MBOAT1: variants seen among roughly 807,000 people sequenced by gnomAD.
The protein encoded by MBOAT1 is membrane bound glycerophospholipid O-acyltransferase 1.
In MBOAT1, 67 loss-of-function variants were observed where a neutral mutation model predicts 64.4. The ratio of observed to expected loss-of-function variants is 1.04; its 90% CI spans 0.85 to 1.27. The LOEUF is 1.27. MBOAT1 is among the 50% of genes most tolerant of loss of function. The pLI is 0.00. For synonymous variants in MBOAT1, 229 were observed against 218.9 expected (o/e 1.05, Z -0.41); for missense variants, 563 against 604.6 (o/e 0.93, Z 0.72).
chr6:20,101,309 T>C lies in MBOAT1; in HGVS notation c.*977A>G, dbSNP rs531931674. On this transcript the variant is annotated 3_prime_UTR_variant, in exon 13 of 13. Transcript: ENST00000324607. ...TCAGCTCCATGTACAGGAGACTTTC[T>C]GATTTCCAATCTTGGCTCAGGTCAG... Among the ~76,000 whole-genome samples, 1 of 152,324 alleles carries C rather than the reference T, an allele frequency of 6.6e-6. No individual in the cohort carries two copies. The highest frequency in any genetic ancestry group is 2.1e-4 in the South Asian group (1 of 4,828).
At chr6:20,120,407 A>G (rs961876704) in intron 8 of MBOAT1, among the ~76,000 whole-genome samples, 11 of 152,160 alleles carry the variant, frequency 7.2e-5, no homozygotes, top group Non-Finnish European at 1.3e-4. Context: ...TTAGGTAACC[A>G]TTAAGATCAT....
In MBOAT1 at chr6:20,126,513, TTAC is replaced by T. The variant is rs1414160092; in HGVS notation, c.714+1_714+3del. The T allele has an allele frequency of 8.1e-6, 13 of 1,604,446 alleles. No individual in the cohort carries two copies. Among genetic ancestry groups the T allele is most frequent in the Non-Finnish European group, 1.1e-5 (13 of 1,177,720 alleles). On this transcript the variant is annotated splice_donor_variant and splice_donor_region_variant and intron_variant, in intron 7 of 12. Coordinates refer to ENST00000324607, the MANE Select transcript of MBOAT1 (RefSeq NM_001080480.3). LOFTEE classifies it high-confidence loss of function. ...ACCCTATTCTCTAGACACTAAAAACTTACTGTGGGAGAAGGTTCTGGCAAGCTG... is the reference window on the plus strand; with the variant it reads ...ACCCTATTCTCTAGACACTAAAAACTTGTGGGAGAAGGTTCTGGCAAGCTG...
At chr6:20,193,641 T>C (rs1310229812) in intron 1 of MBOAT1, among the ~76,000 whole-genome samples, 1 of 145,352 alleles carries the variant, frequency 6.9e-6, no homozygotes, top group Non-Finnish European at 1.5e-5. Context: ...GGAGTCTCGC[T>C]CTGTCACCAG....
intron 1 of MBOAT1, among the ~76,000 whole-genome samples, chr6:20,195,160 C>T (rs1447290895): frequency 1.3e-5 from 2 of 152,052 alleles, no homozygotes; most frequent in African/African-American, 4.8e-5. Flanking sequence ...GCCATGATGC[C>T]CAGGCTAGTC....
At chr6:20,121,873 T>C (rs1442645342) in intron 8 of MBOAT1, among the ~76,000 whole-genome samples, 1 of 152,104 alleles carries the variant, frequency 6.6e-6, no homozygotes, top group African/African-American at 2.4e-5. Context: ...ATTAAAACTA[T>C]TAATTATTTG....
intron 1 of MBOAT1, among the ~76,000 whole-genome samples, chr6:20,167,279 T>C (rs1235320216): frequency 1.3e-5 from 2 of 152,222 alleles, no homozygotes; most frequent in Non-Finnish European, 2.9e-5. Flanking sequence ...TAAGATAAAT[T>C]CCTAGCTTGA....
rs146497693 is a variant in MBOAT1, at chr6:20,171,256, G to A, written c.100-18487C>T. On this transcript the variant is annotated intron_variant, in intron 1 of 12. Transcript: ENST00000324607. ...CATTTTAATAATCAAAGTTATTTAG[G>A]CTGGGTGCAGCGGCTCATGCCTGTA... 3.9e-5 allele frequency among the ~76,000 whole-genome samples: 6 copies of A among 152,174 alleles called. No individual in the cohort carries two copies. The East Asian group carries it at 9.7e-4, about 25-fold the overall frequency.
rs181513904 is a variant in MBOAT1, at chr6:20,181,739, G to A, written c.100-28970C>T. 9.3e-4 allele frequency among the ~76,000 whole-genome samples: 142 copies of A among 152,352 alleles called. 1 individual carries two copies. The highest frequency in any genetic ancestry group is 9.1e-3 in the Admixed American group (140 of 15,306). ...CAAAGGGGAGGGTGCACGCCTGCAT[G>A]GAGACCAGATGATGAGGGAGGGATC... On this transcript the variant is annotated intron_variant, in intron 1 of 12. Transcript: ENST00000324607.
intron 1 of MBOAT1, among the ~76,000 whole-genome samples, chr6:20,171,130 A>G (rs1302666203): frequency 6.6e-6 from 1 of 152,196 alleles, no homozygotes; most frequent in Admixed American, 6.5e-5. Flanking sequence ...CCTCTACCAG[A>G]CATTGAGAAA....
In MBOAT1 at chr6:20,102,429, A is replaced by G. The variant is rs945296007; in HGVS notation, c.1362-17T>C. ...TACATGGACCTGGGAATAAAAATAT[A>G]CAAAAATTATATTTCAAATAAGGAT... On this transcript the variant is annotated splice_polypyrimidine_tract_variant and intron_variant, in intron 12 of 12. Transcript: ENST00000324607. The G allele has an allele frequency of 6.3e-7, 1 of 1,580,630 alleles. No homozygotes were observed. The highest frequency in any genetic ancestry group is 1.7e-4 in the Middle Eastern group (1 of 5,960).
At chr6:20,145,210 CAA>C (rs1184234594) in intron 3 of MBOAT1, among the ~76,000 whole-genome samples, 1 of 118,118 alleles carries the variant, frequency 8.5e-6, no homozygotes, top group Non-Finnish European at 1.8e-5. Context: ...AGCCCTCTTA[CAA>C]AAGAGACCCC....
At chr6:20,136,644 G>A (rs117792608) in intron 4 of MBOAT1, among the ~76,000 whole-genome samples, 1 of 152,138 alleles carries the variant, frequency 6.6e-6, no homozygotes, top group African/African-American at 2.4e-5. Context: ...GCTAGCAAGA[G>A]GTACAGGCAA....
chr6:20,118,391 T>C (rs377534779), intron 9 of MBOAT1, 46 bp downstream of exon 9: 220 of 1,463,626 alleles, frequency 1.5e-4, no homozygotes, highest in Non-Finnish European at 2.0e-4. Flanking sequence ...AAGCAAATCA[T>C]TTGCTTTCTT....
rs1761741657 is a variant in MBOAT1, at chr6:20,157,907, G to A, written c.100-5138C>T. ...GCAGTGGCTCATGCCTGTAATCCCA[G>A]AACTTTGGGAGGCCAAGGCGCGCGG... On this transcript the variant is annotated intron_variant, in intron 1 of 12. Coordinates refer to ENST00000324607, the MANE Select transcript of MBOAT1 (RefSeq NM_001080480.3). Among the ~76,000 whole-genome samples the A allele has an allele frequency of 2.6e-5, 4 of 152,110 alleles. No homozygotes were observed. The East Asian group carries it at 7.7e-4, about 29-fold the overall frequency.
At chr6:20,136,342 T>C (rs1311964420) in intron 4 of MBOAT1, among the ~76,000 whole-genome samples, 1 of 152,330 alleles carries the variant, frequency 6.6e-6, no homozygotes, top group Middle Eastern at 3.4e-3. Context: ...AACAACAAAA[T>C]CACCAATTCT....
intron 1 of MBOAT1, among the ~76,000 whole-genome samples, chr6:20,192,991 A>ATTTTTT (rs1238333593): frequency 8.4e-5 from 5 of 59,842 alleles, no homozygotes; most frequent in South Asian, 5.1e-4. Flanking sequence ...GTATGCTATA[A>ATTTTTT]TTTCTTTTTT....
chr6:20,121,424 T>C (rs1179420153), intron 8 of MBOAT1, among the ~76,000 whole-genome samples: 1 of 152,162 alleles, frequency 6.6e-6, no homozygotes, highest in Non-Finnish European at 1.5e-5. Context: ...GTGTTTCTAC[T>C]GAAGCTACCC....
chr6:20,100,521 C>A lies in MBOAT1; in HGVS notation c.*1765G>T, dbSNP rs983249077. 1.1e-4 allele frequency among the ~76,000 whole-genome samples: 16 copies of A among 152,156 alleles called. No individual in the cohort carries two copies. Reference sequence around the variant, plus strand: ...TCTACTACTTCTTAACTTCCACTGTCCCAAATAAGGACTAAAGTTTGGGTT... The same window carrying A: ...TCTACTACTTCTTAACTTCCACTGTACCAAATAAGGACTAAAGTTTGGGTT... On this transcript the variant is annotated 3_prime_UTR_variant, in exon 13 of 13. Transcript: ENST00000324607.
At chr6:20,144,695 C>G (rs1561761324) in intron 3 of MBOAT1, among the ~76,000 whole-genome samples, 1 of 152,204 alleles carries the variant, frequency 6.6e-6, no homozygotes, top group African/African-American at 2.4e-5. Context: ...TCACAGCCCT[C>G]ATGTTTGCAT....
Sources: allele counts gnomAD v4.1 joint callset (sites outside exome capture counted in the v4.1 genomes callset), GRCh38; gene constraint gnomAD v4.1.1; transcripts MANE v1.5; gene names NCBI Gene and HGNC (gene_info 2026-07-23, HGNC 2026-07-21).